NDUFAF2: variants seen among roughly 807,000 people sequenced by gnomAD.
The protein encoded by NDUFAF2 is NADH dehydrogenase [ubiquinone] 1 alpha subcomplex assembly factor 2.
In NDUFAF2, 13 loss-of-function variants were observed where a neutral mutation model predicts 22.8. The observed-to-expected ratio is 0.57, with a 90% CI of 0.37 to 0.91. The LOEUF (loss-of-function observed/expected upper bound fraction) is 0.91. Ranked by LOEUF, NDUFAF2 falls within the 40% of genes least tolerant of loss-of-function variation. NDUFAF2 has a pLI of 0.01. For missense variants in NDUFAF2, 162 were observed against 195.2 expected, an observed-to-expected ratio of 0.83 and a Z score of 1.01; for synonymous variants, 53 against 64.2, an observed-to-expected ratio of 0.83 and a Z score of 0.84.
At chr5:61,061,775 G>A (rs1304026481) in intron 1 of NDUFAF2, among the ~76,000 whole-genome samples, 2 of 152,176 alleles carry the variant, frequency 1.3e-5, no homozygotes, top group Admixed American at 1.3e-4. Flanking sequence ...CAGCCTGTGA[G>A]CCATGTCAGA....
chr5:61,073,024 T>C (rs1752320013), intron 1 of NDUFAF2, 101 bp from the exon 2 acceptor site: 1 of 753,268 alleles, frequency 1.3e-6, no homozygotes, highest in East Asian at 2.5e-5. Context: ...TTAATTTAAT[T>C]CTTTTACTAT....
chr5:60,962,195 A>G (rs1750697110), intron 1 of NDUFAF2, among the ~76,000 whole-genome samples: 2 of 151,262 alleles, frequency 1.3e-5, no homozygotes, highest in African/African-American at 2.4e-5. Flanking sequence ...GTGAACAAGT[A>G]CTGATTTTTT....
chr5:61,151,515 A>T (rs1182382801), intron 3 of NDUFAF2, among the ~76,000 whole-genome samples: 1 of 152,248 alleles, frequency 6.6e-6, no homozygotes, highest in Non-Finnish European at 1.5e-5. Flanking sequence ...GTGGTGGCTC[A>T]TGCCTGTAAT....
chr5:61,138,181 T>C (rs1373546078), intron 3 of NDUFAF2, among the ~76,000 whole-genome samples: 2 of 152,208 alleles, frequency 1.3e-5, no homozygotes, highest in African/African-American at 4.8e-5. Context: ...AGGACCCATT[T>C]AAAGGGTTGT....
At chr5:61,120,944 A>G (rs758873473) in intron 3 of NDUFAF2, among the ~76,000 whole-genome samples, 4 of 152,236 alleles carry the variant, frequency 2.6e-5, no homozygotes, top group African/African-American at 4.8e-5. Flanking sequence ...GATTTTCTCA[A>G]TCTAAATTTT....
chr5:61,143,536 A>G (rs1336119955), intron 3 of NDUFAF2, among the ~76,000 whole-genome samples: 8 of 152,128 alleles, frequency 5.3e-5, no homozygotes, highest in Admixed American at 3.9e-4. Context: ...AATAGATATT[A>G]AAGATATATG....
chr5:61,145,583 T>C (rs1413073447), intron 3 of NDUFAF2, among the ~76,000 whole-genome samples: 1 of 152,064 alleles, frequency 6.6e-6, no homozygotes, highest in Non-Finnish European at 1.5e-5. Context: ...TATTCCAAGA[T>C]CCAAAAAATT....
chr5:60,951,064 C>T (rs2112562588), intron 1 of NDUFAF2, among the ~76,000 whole-genome samples: 1 of 152,098 alleles, frequency 6.6e-6, no homozygotes, highest in South Asian at 2.1e-4. Flanking sequence ...GAGTCTCACT[C>T]TGTCGCCCAG....
At chr5:61,055,752 T>G (rs1277281744) in intron 1 of NDUFAF2, among the ~76,000 whole-genome samples, 1 of 152,194 alleles carries the variant, frequency 6.6e-6, no homozygotes, top group East Asian at 1.9e-4. Flanking sequence ...CCTGACTATA[T>G]GTGGACACTG....
chr5:61,117,634 G>A (rs1319973841), intron 3 of NDUFAF2, among the ~76,000 whole-genome samples: 2 of 152,040 alleles, frequency 1.3e-5, no homozygotes, highest in African/African-American at 2.4e-5. Context: ...GGGATTATAG[G>A]CGTGAGCCAC....
chr5:61,114,306 CTGT>C (rs2111788959), intron 3 of NDUFAF2: 1 of 152,224 alleles, frequency 6.6e-6, no homozygotes, highest in Admixed American at 6.5e-5. Context: ...ATCATTTCTG[CTGT>C]TAAGAGACTC....
chr5:61,095,014 C>T (rs968033325), intron 2 of NDUFAF2, among the ~76,000 whole-genome samples: 2 of 152,166 alleles, frequency 1.3e-5, no homozygotes, highest in African/African-American at 2.4e-5. Flanking sequence ...GCTGGGATAC[C>T]GCTTCCACCC....
At chr5:61,021,985 G>T (rs1332355663) in intron 1 of NDUFAF2, among the ~76,000 whole-genome samples, 2 of 152,172 alleles carry the variant, frequency 1.3e-5, no homozygotes, top group Non-Finnish European at 2.9e-5. Flanking sequence ...ATTCCTTCTT[G>T]TTCAGGAGAG....
At chr5:60,975,918 A>G (rs1750896209) in intron 1 of NDUFAF2, among the ~76,000 whole-genome samples, 1 of 152,240 alleles carries the variant, frequency 6.6e-6, no homozygotes, top group Admixed American at 6.5e-5. Flanking sequence ...GATAACATTG[A>G]CAGGAGCAGT....
chr5:60,993,339 C>T (rs951110084), intron 1 of NDUFAF2, among the ~76,000 whole-genome samples: 1 of 152,208 alleles, frequency 6.6e-6, no homozygotes, highest in Admixed American at 6.5e-5. Flanking sequence ...AGTCTGGGCT[C>T]CCTGAAGAGT....
At chr5:61,035,351 C>T (rs1751784867) in intron 1 of NDUFAF2, among the ~76,000 whole-genome samples, 1 of 151,358 alleles carries the variant, frequency 6.6e-6, no homozygotes, top group African/African-American at 2.4e-5. Context: ...CAGGCGTGAG[C>T]CACTGCACCC....
At chr5:60,990,602 T>A (rs1751145544) in intron 1 of NDUFAF2, among the ~76,000 whole-genome samples, 2 of 152,178 alleles carry the variant, frequency 1.3e-5, no homozygotes, top group African/African-American at 4.8e-5. Flanking sequence ...CCTCCTGCCT[T>A]TATCTTTAAT....
chr5:61,037,770 A>G (rs1483640821), intron 1 of NDUFAF2, among the ~76,000 whole-genome samples: 1 of 152,076 alleles, frequency 6.6e-6, no homozygotes, highest in Non-Finnish European at 1.5e-5. Flanking sequence ...ATCTTTGGAA[A>G]TGGTTCTATA....
At position 60,968,219 on chromosome 5, in the gene NDUFAF2, TTC is replaced by T. The variant is rs531038907; in HGVS notation, c.127+22843_127+22844del. Among the ~76,000 whole-genome samples the T allele has an allele frequency of 2.3e-3, 351 of 151,926 alleles. 2 individuals are homozygous for T. Among genetic ancestry groups the T allele is most frequent in the African/African-American group, 8.1e-3 (338 of 41,538 alleles). On this transcript the variant is annotated intron_variant, in intron 1 of 3. Coordinates refer to ENST00000296597, the MANE Select transcript of NDUFAF2 (RefSeq NM_174889.5). ...TTTCATTTCTGATATTATTTGTATA[TTC>T]TCTCTTTTTTCTTAGTCTATCTAAA...
Sources: gnomAD v4.1 joint callset for allele counts (sites outside exome capture counted in the v4.1 genomes callset) on GRCh38, gnomAD v4.1.1 for gene constraint, MANE v1.5 for transcripts, NCBI Gene and HGNC (gene_info 2026-07-23, HGNC 2026-07-21) for gene names.